Variants in LDAF1 observed in about 807,000 individuals in gnomAD.
LDAF1 encodes the protein PROMETHIN.
Under a neutral mutation model 13.5 loss-of-function variants are expected in LDAF1, and 7 were observed. The observed-to-expected ratio is 0.52, with a 90% CI of 0.29 to 0.97. The LOEUF is 0.97. LDAF1 is among the 50% of genes least tolerant of loss of function. The pLI is 0.07. For missense variants in LDAF1, 148 were observed against 193.2 expected (o/e 0.77, Z 1.39); for synonymous variants, 69 against 77.1 (o/e 0.89, Z 0.55).
intron 2 of LDAF1, chr16:21,165,570 C>T: frequency 1.0e-6 from 1 of 983,774 alleles, no homozygotes; most frequent in Non-Finnish European, 1.2e-6. Flanking sequence ...TCCCCCTTCT[C>T]TTCCCTCTCT....
chr16:21,159,252 T>A (rs2092933061), intron 1 of LDAF1: 7 of 1,308,702 alleles, frequency 5.3e-6, no homozygotes, highest in African/African-American at 1.5e-5. Context: ...AATTAATAAC[T>A]AAGTACTCGA....
chr16:21,160,784 A>G (rs1310061239), intron 1 of LDAF1, among the ~76,000 whole-genome samples: 1 of 152,146 alleles, frequency 6.6e-6, no homozygotes, highest in Non-Finnish European at 1.5e-5. Context: ...TTATTTAACC[A>G]ATTTTCTCCT....
chr16:21,177,671 T>TGCA (rs35544514), intron 4 of LDAF1, among the ~76,000 whole-genome samples: 32,387 of 144,084 alleles, frequency 0.22, 3,764 homozygotes, highest in East Asian at 0.3. Context: ...CAGGCTGGAG[T>TGCA]GCAGTGGCTT....
chr16:21,161,015 G>A (rs2092967810), intron 1 of LDAF1, 70 bp from the exon 2 acceptor site: 1 of 1,387,926 alleles, frequency 7.2e-7, no homozygotes, highest in Non-Finnish European at 9.3e-7. Context: ...CAAGGTATGA[G>A]GATGGTAGAA....
rs1458356476 is a variant in LDAF1, at chr16:21,167,726, G to A, written c.97-2711G>A. On this transcript the variant is annotated intron_variant, in intron 2 of 4. Transcript: ENST00000233047. ...TTTTTTTTTGAAAAGGAGACTTGCG[G>A]TGGGGCGCGGTATCCCACGCCTGTA... Among the ~76,000 whole-genome samples, 3 of 41,354 alleles carry A rather than the reference G, an allele frequency of 7.3e-5. No individual in the cohort carries two copies. The South Asian group carries it at 2.1e-3, about 28-fold the overall frequency. The allele number at this position is 41,354 out of a possible 152,430, so 27.1% of individuals were successfully genotyped here.
At chr16:21,159,591 C>G (rs932985940) in intron 1 of LDAF1, 1 of 783,762 alleles carries the variant, frequency 1.3e-6, no homozygotes. Flanking sequence ...CCCAGTCCCC[C>G]AGGCGTGAAG....
chr16:21,159,174 C>T (rs1453531257), intron 1 of LDAF1: 6 of 822,966 alleles, frequency 7.3e-6, no homozygotes, highest in Non-Finnish European at 1.2e-5. Context: ...CCCTCTTCTC[C>T]ACCGAGGTCC....
chr16:21,168,101 G>A (rs189037299), intron 2 of LDAF1, among the ~76,000 whole-genome samples: 45 of 151,094 alleles, frequency 3.0e-4, no homozygotes, highest in Admixed American at 2.8e-3. Flanking sequence ...TGCAACCTCC[G>A]CCTTCCAGGC....
chr16:21,159,493 C>G, intron 1 of LDAF1: 2 of 1,561,998 alleles, frequency 1.3e-6, no homozygotes, highest in Non-Finnish European at 1.8e-6. Context: ...TCGAGGTAGC[C>G]GTTTTCCCCT....
chr16:21,161,785 G>A (rs188182141), intron 2 of LDAF1, among the ~76,000 whole-genome samples: 2 of 152,272 alleles, frequency 1.3e-5, no homozygotes, highest in African/African-American at 2.4e-5. Context: ...ATCCAGGTCC[G>A]ATAGAAATAT....
chr16:21,162,406 T>C (rs889931320), intron 2 of LDAF1, among the ~76,000 whole-genome samples: 9 of 151,958 alleles, frequency 5.9e-5, no homozygotes, highest in African/African-American at 2.2e-4. Flanking sequence ...GATAGCGTTA[T>C]GTTTTCTTGC....
In LDAF1 at chr16:21,162,004, C is replaced by T. The variant is rs145399367; in HGVS notation, c.96+726C>T. ...AAAACCCCATCTCTACTAAAATTACCAAAATGAGCAGGTGTGGTGGTAAGG... is the reference window on the plus strand; with the variant it reads ...AAAACCCCATCTCTACTAAAATTACTAAAATGAGCAGGTGTGGTGGTAAGG... On this transcript the variant is annotated intron_variant, in intron 2 of 4. Transcript: ENST00000233047. 2.4e-4 allele frequency among the ~76,000 whole-genome samples: 36 copies of T among 151,832 alleles called. 1 individual carries two copies. The South Asian group carries it at 3.8e-3, about 16-fold the overall frequency.
Position 21,167,696 on chromosome 16 carries a change from G to GTTTTTTTTTTTGTTTT in LDAF1, c.97-2730_97-2729insGTTTTTTTTTTTTTTT, listed in dbSNP as rs1555584375. Among the ~76,000 whole-genome samples, 7 of 89,100 alleles carry GTTTTTTTTTTTGTTTT rather than the reference G, an allele frequency of 7.9e-5. No individual in the cohort carries two copies. The East Asian group carries it at 2.8e-3, about 36-fold the overall frequency. 58.5% of individuals were successfully genotyped at this position (89,100 alleles called of 152,430 possible). A position where few individuals can be genotyped will look rare whatever the true frequency, so the allele number is the denominator to read the frequency against. ...ATTCTGAGTCCAAGACCTTAGGTTTGTTTTTTTTTTTTTGAAAAGGAGACT... is the reference window on the plus strand; with the variant it reads ...ATTCTGAGTCCAAGACCTTAGGTTTGTTTTTTTTTTTGTTTTTTTTTTTTTTTTTGAAAAGGAGACT... On this transcript the variant is annotated intron_variant, in intron 2 of 4. Transcript: ENST00000233047.
At chr16:21,178,143 G>C (rs1256736621) in intron 4 of LDAF1, 7 of 904,854 alleles carry the variant, frequency 7.7e-6, no homozygotes, top group Non-Finnish European at 9.3e-6. Context: ...ACAATATTTA[G>C]ATCAAATACA....
chr16:21,168,830 AT>A (rs2093054520), intron 2 of LDAF1, among the ~76,000 whole-genome samples: 1 of 131,642 alleles, frequency 7.6e-6, no homozygotes, highest in Non-Finnish European at 1.5e-5. Context: ...ATATAATTTA[AT>A]TTTATATAAT....
intron 4 of LDAF1, chr16:21,178,084 A>G (rs1192463383): frequency 7.7e-6 from 4 of 520,544 alleles, no homozygotes; most frequent in Non-Finnish European, 9.9e-6. Flanking sequence ...AAAAGAAAAG[A>G]AAAAGGAAAC....
intron 2 of LDAF1, among the ~76,000 whole-genome samples, chr16:21,164,630 T>G (rs2093007208): frequency 6.6e-6 from 1 of 152,226 alleles, no homozygotes; most frequent in African/African-American, 2.4e-5. Flanking sequence ...TGTTTGAAGC[T>G]TTAGCACAGA....
chr16:21,166,628 G>A (rs1346224350), intron 2 of LDAF1, among the ~76,000 whole-genome samples: 2 of 152,204 alleles, frequency 1.3e-5, no homozygotes, highest in East Asian at 1.9e-4. Context: ...GCATACTCAC[G>A]GGTGTACTGC....
chr16:21,164,674 C>T (rs2093007607), intron 2 of LDAF1, among the ~76,000 whole-genome samples: 1 of 152,224 alleles, frequency 6.6e-6, no homozygotes, highest in East Asian at 1.9e-4. Flanking sequence ...CTGTCTCAGC[C>T]TGGCCTTCCT....
Sources: allele counts gnomAD v4.1 joint callset (sites outside exome capture counted in the v4.1 genomes callset), GRCh38; gene constraint gnomAD v4.1.1; transcripts MANE v1.5; gene names NCBI Gene and HGNC (gene_info 2026-07-23, HGNC 2026-07-21).